PARD3B: variants seen among roughly 807,000 people sequenced by gnomAD.
The protein encoded by PARD3B is partitioning defective 3 homolog B.
Under a neutral mutation model 130.2 loss-of-function variants are expected in PARD3B, and 103 were observed. The observed-to-expected ratio is 0.79, with a 90% CI of 0.67 to 0.93. The LOEUF (loss-of-function observed/expected upper bound fraction) is 0.93. Ranked by LOEUF, PARD3B falls within the 40% of genes least tolerant of loss-of-function variation. The pLI is 0.00. For synonymous variants in PARD3B, 583 were observed against 553.2 expected, an observed-to-expected ratio of 1.05 and a Z score of -0.76; for missense variants, 1,609 against 1,499.2, an observed-to-expected ratio of 1.07 and a Z score of -1.21.
At chr2:204,780,459 A>G (rs185761363) in intron 2 of PARD3B, among the ~76,000 whole-genome samples, 1 of 152,224 alleles carries the variant, frequency 6.6e-6, no homozygotes, top group South Asian at 2.1e-4. Flanking sequence ...TAATTTATAC[A>G]TAATAGAAGT....
At chr2:205,304,272 G>A (rs960153671) in intron 18 of PARD3B, among the ~76,000 whole-genome samples, 15 of 152,190 alleles carry the variant, frequency 9.9e-5, no homozygotes, top group African/African-American at 3.1e-4. Flanking sequence ...GACTTGCTGC[G>A]GTCCTGCTAT....
chr2:205,300,412 T>C lies in PARD3B; in HGVS notation c.2186-118T>C. 7 of 919,312 alleles carry C rather than the reference T, an allele frequency of 7.6e-6. No individual in the cohort carries two copies. The South Asian group carries it at 9.3e-5, about 12-fold the overall frequency. The allele number at this position is 919,312 out of a possible 1,614,324, so 56.9% of individuals were successfully genotyped here. On this transcript the variant is annotated intron_variant, in intron 16 of 22. Transcript: ENST00000406610. The surrounding 1 kb of genome is among the most constrained non-coding windows in gnomAD (Gnocchi z 4.1). The stretch of plus-strand genomic sequence containing the variant: ...GGCAAAGCTGGAGTATAACCCCAAC[T>C]CCCACCCACTTAACACCCCTTTTTT...
At chr2:205,419,055 A>G (rs2046874785) in intron 19 of PARD3B, among the ~76,000 whole-genome samples, 1 of 152,184 alleles carries the variant, frequency 6.6e-6, no homozygotes. Flanking sequence ...ACTATGTAAT[A>G]TATATACATA....
intron 1 of PARD3B, among the ~76,000 whole-genome samples, chr2:204,552,206 C>G (rs1268593120): frequency 6.6e-6 from 1 of 152,180 alleles, no homozygotes; most frequent in Non-Finnish European, 1.5e-5. Context: ...CTGTTGAGAA[C>G]TTTGCCATCA....
intron 2 of PARD3B, among the ~76,000 whole-genome samples, chr2:204,774,362 A>C (rs2041521346): frequency 6.6e-6 from 1 of 151,992 alleles, no homozygotes; most frequent in Non-Finnish European, 1.5e-5. Flanking sequence ...TAGTCCATGT[A>C]ATTGTTTAAA....
intron 20 of PARD3B, among the ~76,000 whole-genome samples, chr2:205,469,349 C>G (rs1202426415): frequency 6.6e-6 from 1 of 152,120 alleles, no homozygotes; most frequent in Non-Finnish European, 1.5e-5. Context: ...TGATTGCCCT[C>G]TCCTTCTGAA....
chr2:205,442,562 A>C (rs1420003817), intron 20 of PARD3B, among the ~76,000 whole-genome samples: 3 of 152,022 alleles, frequency 2.0e-5, no homozygotes, highest in East Asian at 3.9e-4. Context: ...CGGCATCCCA[A>C]AGTGCTGGGA....
At position 205,038,893 on chromosome 2, in the gene PARD3B, A is replaced by G. The variant is rs548431418; in HGVS notation, c.395-8688A>G. Reference sequence around the variant, plus strand: ...CTTTTCTAATGGACTCATATTTAAGATGAAAGTTTTTGACTTAGTTTCCTT... The same window carrying G: ...CTTTTCTAATGGACTCATATTTAAGGTGAAAGTTTTTGACTTAGTTTCCTT... On this transcript the variant is annotated intron_variant, in intron 3 of 22. Transcript: ENST00000406610. Among the ~76,000 whole-genome samples the G allele has an allele frequency of 3.9e-5, 6 of 152,252 alleles. No homozygotes were observed. In the Middle Eastern group the frequency reaches 0.01, roughly 259 times the overall value.
intron 15 of PARD3B, among the ~76,000 whole-genome samples, chr2:205,204,771 T>A (rs2037191358): frequency 6.6e-6 from 1 of 152,194 alleles, no homozygotes; most frequent in African/African-American, 2.4e-5. Flanking sequence ...ATGTGTGATG[T>A]TATTTCTGAG....
At chr2:204,587,528 G>C (rs1207248817) in intron 1 of PARD3B, among the ~76,000 whole-genome samples, 1 of 152,196 alleles carries the variant, frequency 6.6e-6, no homozygotes, top group African/African-American at 2.4e-5. Flanking sequence ...AATACAAGAA[G>C]TAGGTTTTTA....
At chr2:204,598,501 A>G (rs1298788813) in intron 1 of PARD3B, among the ~76,000 whole-genome samples, 1 of 152,100 alleles carries the variant, frequency 6.6e-6, no homozygotes, top group Non-Finnish European at 1.5e-5. Context: ...CATCTGTAAT[A>G]TGGGGATAAT....
chr2:204,866,518 A>T (rs111495060), intron 2 of PARD3B, among the ~76,000 whole-genome samples: 1 of 152,058 alleles, frequency 6.6e-6, no homozygotes. Context: ...AAAAAAAGGT[A>T]TTGACCTCCT....
intron 18 of PARD3B, among the ~76,000 whole-genome samples, chr2:205,373,319 C>G (rs779256264): frequency 2.6e-5 from 4 of 152,206 alleles, no homozygotes; most frequent in Admixed American, 6.5e-5. Context: ...GGTGTAGTCA[C>G]TCCATACCTG....
intron 18 of PARD3B, among the ~76,000 whole-genome samples, chr2:205,389,125 AG>A (rs1344505368): frequency 6.6e-6 from 1 of 152,186 alleles, no homozygotes; most frequent in Non-Finnish European, 1.5e-5. Flanking sequence ...TGAGACATTC[AG>A]GATATAAATT....
chr2:205,586,745 T>C (rs372538302), intron 22 of PARD3B, among the ~76,000 whole-genome samples: 4 of 152,180 alleles, frequency 2.6e-5, no homozygotes, highest in African/African-American at 9.7e-5. Context: ...TGCCTAGTAT[T>C]TGATGCCCTG....
intron 18 of PARD3B, among the ~76,000 whole-genome samples, chr2:205,344,034 G>T (rs2043649512): frequency 6.6e-6 from 1 of 152,166 alleles, no homozygotes; most frequent in Non-Finnish European, 1.5e-5. Flanking sequence ...CAGCAGAAAA[G>T]TGGTAGGGGG....
intron 2 of PARD3B, among the ~76,000 whole-genome samples, chr2:204,730,689 TA>T (rs2039472586): frequency 6.6e-6 from 1 of 152,122 alleles, no homozygotes. Flanking sequence ...GCAATCGCTG[TA>T]TTAAACACAG....
intron 11 of PARD3B, among the ~76,000 whole-genome samples, chr2:205,159,286 C>A (rs2034368160): frequency 6.6e-6 from 1 of 152,146 alleles, no homozygotes; most frequent in Non-Finnish European, 1.5e-5. Flanking sequence ...GTTGTGCTTG[C>A]AAGAATGAAA....
At chr2:204,849,445 G>A (rs7600921) in intron 2 of PARD3B, among the ~76,000 whole-genome samples, 39,290 of 152,140 alleles carry the variant, frequency 0.26, 9,305 homozygotes, top group African/African-American at 0.63. Flanking sequence ...TTTTACGTGA[G>A]TAAGTTTGAG....
Sources: gnomAD v4.1 joint callset for allele counts (sites outside exome capture counted in the v4.1 genomes callset) on GRCh38, gnomAD v4.1.1 for gene constraint, Gnocchi (gnomAD v3.1) non-coding constraint, MANE v1.5 for transcripts, NCBI Gene and HGNC (gene_info 2026-07-23, HGNC 2026-07-21) for gene names.